ASB2: variants seen among roughly 807,000 people sequenced by gnomAD.
ASB2 encodes the protein ankyrin repeat and SOCS box protein 2.
Under a neutral mutation model 62.4 loss-of-function variants are expected in ASB2, and 58 were observed. That is an observed-to-expected ratio of 0.93 (90% CI 0.75 to 1.16). The LOEUF (loss-of-function observed/expected upper bound fraction) is 1.16. ASB2 is among the 50% of genes most tolerant of loss of function. The probability of loss-of-function intolerance (pLI) is 0.00; values close to 1 mark genes in which losing one functional copy is unlikely to be tolerated. For synonymous variants in ASB2, 386 were observed against 385.3 expected (o/e 1.00, Z -0.02); for missense variants, 928 against 887.9 (o/e 1.05, Z -0.57).
intron 1 of ASB2, among the ~76,000 whole-genome samples, chr14:93,975,610 G>A (rs537265690): frequency 1.3e-5 from 2 of 152,272 alleles, no homozygotes; most frequent in East Asian, 1.9e-4. Context: ...TGCTTGGCCT[G>A]GAAGGATGTG....
chr14:93,958,407 T>A (rs906655741), intron 2 of ASB2, among the ~76,000 whole-genome samples: 1 of 152,204 alleles, frequency 6.6e-6, no homozygotes, highest in African/African-American at 2.4e-5. Context: ...CAGCTCCTGA[T>A]GCCACCCTGT....
intron 1 of ASB2, among the ~76,000 whole-genome samples, chr14:93,971,168 G>A (rs775128855): frequency 2.0e-5 from 3 of 152,222 alleles, no homozygotes; most frequent in African/African-American, 4.8e-5. Context: ...CAGCCTTCGC[G>A]TGACAGCTGT....
intron 1 of ASB2, among the ~76,000 whole-genome samples, chr14:93,965,843 A>C (rs572891517): frequency 2.0e-5 from 3 of 152,332 alleles, no homozygotes; most frequent in Admixed American, 1.3e-4. Flanking sequence ...ACAAGTATGT[A>C]CACTGGGGTT....
At chr14:93,954,809 C>T (rs1349411654) in intron 3 of ASB2, among the ~76,000 whole-genome samples, 1 of 152,194 alleles carries the variant, frequency 6.6e-6, no homozygotes, top group Admixed American at 6.5e-5. Flanking sequence ...GAGTATAGCA[C>T]TCTAGCATTT....
Position 93,939,464 on chromosome 14 carries a change from T to G in ASB2, c.1261A>C (p.Asn421His). ...RSSALYFAVV[N>H]NNVYATELLL... ...AGCTCGGTGGCGTACACGTTGTTGT[T>G]GACCACCGCGAAGTACAGCGCGGAG... is the stretch of plus-strand genomic sequence containing the variant. The change falls in exon 8 of 10, where the codon AAC becomes CAC. Residue 421 changes from asparagine (N) to histidine (H), a missense_variant. Transcript: ENST00000555019. 1.2e-6 allele frequency: 2 copies of G among 1,612,302 alleles called. No individual in the cohort carries two copies. Among genetic ancestry groups the G allele is most frequent in the Non-Finnish European group, 1.7e-6 (2 of 1,179,700 alleles).
chr14:93,957,053 C>T (rs576672194), intron 2 of ASB2, 183 bp from the exon 3 acceptor site: 82 of 1,473,778 alleles, frequency 5.6e-5, no homozygotes, highest in Middle Eastern at 1.8e-4. Flanking sequence ...GCTGTGTCTC[C>T]GGATTATTTT....
chr14:93,936,198 C>T (rs2141265704), intron 9 of ASB2, among the ~76,000 whole-genome samples: 1 of 152,314 alleles, frequency 6.6e-6, no homozygotes, highest in South Asian at 2.1e-4. Context: ...ATAAGGATGT[C>T]AATGTTGTAG....
intron 7 of ASB2, among the ~76,000 whole-genome samples, chr14:93,943,294 G>A (rs1449677126): frequency 6.6e-6 from 1 of 152,208 alleles, no homozygotes; most frequent in Non-Finnish European, 1.5e-5. Flanking sequence ...CCTAAACACA[G>A]AGGCATTCTG....
chr14:93,967,653 G>A (rs566747432), intron 1 of ASB2, among the ~76,000 whole-genome samples: 5 of 152,036 alleles, frequency 3.3e-5, no homozygotes, highest in Admixed American at 6.5e-5. Context: ...GAAGTTTTCC[G>A]CAGATTTTTC....
chr14:93,936,202 G>C (rs748489163), intron 9 of ASB2, among the ~76,000 whole-genome samples: 3 of 152,242 alleles, frequency 2.0e-5, no homozygotes, highest in Non-Finnish European at 4.4e-5. Flanking sequence ...GGATGTCAAT[G>C]TTGTAGCATT....
At chr14:93,936,652 T>C (rs1167112616) in intron 9 of ASB2, among the ~76,000 whole-genome samples, 4 of 152,128 alleles carry the variant, frequency 2.6e-5, no homozygotes, top group East Asian at 1.9e-4. Context: ...TACAGCACAT[T>C]TGGGTTCACA....
intron 2 of ASB2, among the ~76,000 whole-genome samples, chr14:93,958,513 C>A (rs1010528189): frequency 6.6e-6 from 1 of 152,218 alleles, no homozygotes; most frequent in Non-Finnish European, 1.5e-5. Context: ...AAGCCCCATC[C>A]CCGCTCTGTG....
Position 93,934,431 on chromosome 14 carries a change from TCA to T in ASB2, c.*223_*224del, listed in dbSNP as rs1294508771. The stretch of plus-strand genomic sequence containing the variant: ...GTAGAGAAGGTCTGGGATCTGCTCA[TCA>T]GTTTGTAAACAAATGATTCTTCTCC... On this transcript the variant is annotated 3_prime_UTR_variant, in exon 10 of 10. Transcript: ENST00000555019. The T allele has an allele frequency of 2.3e-5, 13 of 557,604 alleles. No individual in the cohort carries two copies. The Admixed American group carries it at 3.4e-4, about 14-fold the overall frequency. 34.5% of individuals were successfully genotyped at this position (557,604 alleles called of 1,614,324 possible).
Position 93,954,329 on chromosome 14 carries a change from C to CT in ASB2, c.465dup (p.Val156SerfsTer95). ...GCCCAGCCCTCACCTCGCTGCAGGA[C>CT]TTTCAGGCAGCCCACCTGGCCATAG... On this transcript the variant is annotated frameshift_variant, in exon 4 of 10. Coordinates refer to ENST00000555019, the MANE Select transcript of ASB2 (RefSeq NM_001202429.2). LOFTEE classifies it high-confidence loss of function. 6.2e-7 allele frequency: 1 copy of CT among 1,613,522 alleles called. No individual in the cohort carries two copies. Among genetic ancestry groups the CT allele is most frequent in the Non-Finnish European group, 8.5e-7 (1 of 1,179,906 alleles).
Position 93,937,842 on chromosome 14 carries a change from A to T in ASB2, c.1627T>A (p.Phe543Ile), listed in dbSNP as rs773065479. ...KEPSVVQFCE[F>I]VSAPEVSRWA... ...CGGCTCACCTCTGGGGCAGATACGA[A>T]CTCACAGAACTGAAAGAGAACATGC... is the stretch of plus-strand genomic sequence containing the variant. The change falls in exon 9 of 10, where the codon TTC (phenylalanine) becomes ATC (isoleucine). Residue 543 changes from phenylalanine (F) to isoleucine (I), a missense_variant. Phe to Ile is a conservative substitution (Grantham distance 21). Transcript: ENST00000555019. 3.1e-6 allele frequency: 5 copies of T among 1,596,756 alleles called. No individual in the cohort carries two copies. In the African/African-American group the frequency reaches 6.7e-5, roughly 21 times the overall value.
chr14:93,972,966 A>G (rs907344588), intron 1 of ASB2, among the ~76,000 whole-genome samples: 1 of 152,190 alleles, frequency 6.6e-6, no homozygotes, highest in Non-Finnish European at 1.5e-5. Context: ...CGGCTGCGTC[A>G]TCTCAGACCT....
intron 4 of ASB2, among the ~76,000 whole-genome samples, chr14:93,953,964 G>C (rs567309669): frequency 2.0e-5 from 3 of 152,180 alleles, no homozygotes; most frequent in African/African-American, 7.2e-5. Flanking sequence ...CACAGCAGGT[G>C]GGGGATAGCC....
At chr14:93,946,827 TC>T (rs761939536) in intron 7 of ASB2, among the ~76,000 whole-genome samples, 8 of 152,262 alleles carry the variant, frequency 5.3e-5, no homozygotes, top group Non-Finnish European at 1.2e-4. Flanking sequence ...TTGTAGGTTT[TC>T]CTTGCATGCT....
chr14:93,948,349 A>G (rs938886367), intron 6 of ASB2: 2 of 154,284 alleles, frequency 1.3e-5, no homozygotes, highest in African/African-American at 4.8e-5. Flanking sequence ...CCCTCACTCC[A>G]TGTAAGAGGG....
Sources: gnomAD v4.1 joint callset for allele counts (sites outside exome capture counted in the v4.1 genomes callset) on GRCh38, gnomAD v4.1.1 for gene constraint, MANE v1.5 for transcripts, NCBI Gene and HGNC (gene_info 2026-07-23, HGNC 2026-07-21) for gene names.